The following SCHIP1 variants were observed in gnomAD, a reference collection of about 807,000 sequenced individuals.
The protein encoded by SCHIP1 is schwannomin interacting protein 1, also known as schwannomin-interacting protein 1.
Under a neutral mutation model 29.7 loss-of-function variants are expected in SCHIP1, and 8 were observed. The observed-to-expected ratio is 0.27, with a 90% CI of 0.16 to 0.49. The LOEUF is 0.49. SCHIP1 is among the 20% of genes least tolerant of loss of function. The pLI is 0.99. For missense variants in SCHIP1, 193 were observed against 294.6 expected, an observed-to-expected ratio of 0.66 and a Z score of 2.52; for synonymous variants, 76 against 94.9, an observed-to-expected ratio of 0.80 and a Z score of 1.16.
chr3:159,384,193 C>A, the SCHIP1 span, among the ~76,000 whole-genome samples: 17 of 150,966 alleles, frequency 1.1e-4, no homozygotes, highest in African/African-American at 4.1e-4. Context: ...TGCCAGTTTT[C>A]AAAGGGAATG....
the SCHIP1 span, among the ~76,000 whole-genome samples, chr3:159,427,774 A>C: frequency 2.0e-5 from 3 of 152,192 alleles, no homozygotes; most frequent in African/African-American, 7.2e-5. Context: ...TGGAGGCATC[A>C]CACTACCTGA....
the SCHIP1 span, among the ~76,000 whole-genome samples, chr3:159,429,732 C>T: frequency 6.6e-6 from 1 of 152,118 alleles, no homozygotes; most frequent in African/African-American, 2.4e-5. Context: ...TTATGAGGTC[C>T]AACAGTGTAA....
the SCHIP1 span, among the ~76,000 whole-genome samples, chr3:159,671,248 CTG>C: frequency 6.6e-6 from 1 of 152,220 alleles, no homozygotes; most frequent in Non-Finnish European, 1.5e-5. Context: ...AAGTAATCTA[CTG>C]TGTCTTATGA....
At chr3:159,811,965 TTTG>T in the SCHIP1 span, among the ~76,000 whole-genome samples, 31,888 of 142,146 alleles carry the variant, frequency 0.22, 3,490 homozygotes, top group Middle Eastern at 0.31. Context: ...TGTAGTTTTT[TTTG>T]TTTTTGTTTT....
At chr3:159,345,226 CAA>C in the SCHIP1 span, among the ~76,000 whole-genome samples, 29,003 of 116,898 alleles carry the variant, frequency 0.25, 2,591 homozygotes, top group African/African-American at 0.35. Context: ...GACTCTGTCT[CAA>C]AAAAAAAAAA....
the SCHIP1 span, among the ~76,000 whole-genome samples, chr3:159,518,364 C>T: frequency 3.3e-5 from 5 of 152,090 alleles, no homozygotes; most frequent in Admixed American, 3.3e-4. Flanking sequence ...TGTTTGATTA[C>T]TTACACTGGA....
the SCHIP1 span, among the ~76,000 whole-genome samples, chr3:159,620,739 G>T: frequency 1.3e-5 from 2 of 152,196 alleles, no homozygotes; most frequent in Non-Finnish European, 2.9e-5. Context: ...ATGGGCATGT[G>T]GTGCCTGTGT....
At chr3:159,848,426 T>C (rs904847014) in intron 1 of SCHIP1, among the ~76,000 whole-genome samples, 1 of 152,204 alleles carries the variant, frequency 6.6e-6, no homozygotes, top group Non-Finnish European at 1.5e-5. Context: ...GGCATTACAT[T>C]CAGCTCAAGT....
the SCHIP1 span, among the ~76,000 whole-genome samples, chr3:159,712,859 A>G: frequency 6.6e-6 from 1 of 151,620 alleles, no homozygotes; most frequent in African/African-American, 2.4e-5. Context: ...AGAGAGAGAA[A>G]GAGAGAGAGA....
chr3:159,412,312 A>G, the SCHIP1 span, among the ~76,000 whole-genome samples: 1 of 152,204 alleles, frequency 6.6e-6, no homozygotes, highest in African/African-American at 2.4e-5. Flanking sequence ...TTTTGTTATG[A>G]GGATTATTAT....
rs116617900 is a variant in SCHIP1, at chr3:159,863,604, A to T, written c.31-2559A>T. On this transcript the variant is annotated intron_variant, in intron 1 of 6. Coordinates refer to ENST00000445224, the Ensembl canonical transcript of SCHIP1. ...TTATAAAAAGGAAAATAATGCACAC[A>T]TATGATAAAAACTAGGAGGAAATAT... 6.7e-3 allele frequency among the ~76,000 whole-genome samples: 1,023 copies of T among 152,362 alleles called. 9 individuals are homozygous for T. Among genetic ancestry groups the T allele is most frequent in the African/African-American group, 0.024 (993 of 41,584 alleles).
chr3:159,875,738 C>T (rs1252263395), intron 2 of SCHIP1, among the ~76,000 whole-genome samples: 1 of 152,134 alleles, frequency 6.6e-6, no homozygotes, highest in African/African-American at 2.4e-5. Context: ...TTTACTCAAT[C>T]CTGTTGTAAA....
chr3:159,322,428 T>C, the SCHIP1 span, among the ~76,000 whole-genome samples: 1 of 152,190 alleles, frequency 6.6e-6, no homozygotes, highest in Non-Finnish European at 1.5e-5. Context: ...CCCATTTTGC[T>C]AACTTTCTGA....
chr3:159,662,318 C>T, the SCHIP1 span, among the ~76,000 whole-genome samples: 2 of 152,228 alleles, frequency 1.3e-5, no homozygotes, highest in African/African-American at 4.8e-5. Context: ...GCTCCATCTG[C>T]AAGCTACACC....
chr3:159,363,384 A>G, the SCHIP1 span, among the ~76,000 whole-genome samples: 2 of 152,216 alleles, frequency 1.3e-5, no homozygotes, highest in African/African-American at 2.4e-5. Context: ...GGATAGAAAG[A>G]TGATAAATGA....
intron 1 of SCHIP1, among the ~76,000 whole-genome samples, chr3:159,862,141 G>A (rs979923821): frequency 6.6e-6 from 1 of 152,214 alleles, no homozygotes; most frequent in African/African-American, 2.4e-5. Flanking sequence ...TGCTTTGCCA[G>A]TGTTTTCTCT....
the SCHIP1 span, among the ~76,000 whole-genome samples, chr3:159,445,452 T>G: frequency 6.6e-6 from 1 of 151,522 alleles, no homozygotes; most frequent in East Asian, 2.0e-4. Flanking sequence ...GTTCAACCAT[T>G]GTGGAAGTCA....
chr3:159,649,942 A>G, the SCHIP1 span, among the ~76,000 whole-genome samples: 1 of 152,184 alleles, frequency 6.6e-6, no homozygotes, highest in African/African-American at 2.4e-5. Context: ...ATTTCCAGAA[A>G]TTCTATTTTC....
chr3:159,477,928 T>C, the SCHIP1 span, among the ~76,000 whole-genome samples: 6 of 146,884 alleles, frequency 4.1e-5, no homozygotes, highest in African/African-American at 1.3e-4. Flanking sequence ...ATCTTTTTTT[T>C]TTTTTTTTTT....
Sources: allele counts gnomAD v4.1 joint callset (sites outside exome capture counted in the v4.1 genomes callset), GRCh38; gene constraint gnomAD v4.1.1; transcripts MANE v1.5; gene names NCBI Gene and HGNC (gene_info 2026-07-23, HGNC 2026-07-21).